The following TTK variants were observed in gnomAD, a reference collection of about 807,000 sequenced individuals.
TTK encodes the protein TTK protein kinase.
A neutral mutation model predicts 117.3 loss-of-function variants in TTK; 59 were observed. The observed-to-expected ratio is 0.50, with a 90% CI of 0.41 to 0.62. The LOEUF is 0.62. Ranked by LOEUF, TTK falls within the 20% of genes least tolerant of loss-of-function variation. The probability of loss-of-function intolerance (pLI) is 0.00; values close to 1 mark genes in which losing one functional copy is unlikely to be tolerated. For missense variants in TTK, 921 were observed against 989.4 expected (o/e 0.93, Z 0.93); for synonymous variants, 302 against 325.0 (o/e 0.93, Z 0.76).
Position 80,011,883 on chromosome 6 carries a change from T to C in TTK, c.802-3T>C. 6.2e-7 allele frequency: 1 copy of C among 1,612,352 alleles called. No homozygotes were observed. The highest frequency in any genetic ancestry group is 1.1e-5 in the South Asian group (1 of 90,938). ...GTTATTTAATCTTTCAAAATATTTT[T>C]AGTCATGCCCATTTGGAAGAGTCCC... is the stretch of plus-strand genomic sequence containing the variant. On this transcript the variant is annotated splice_region_variant and splice_polypyrimidine_tract_variant and intron_variant, in intron 7 of 21. Coordinates refer to ENST00000369798, the MANE Select transcript of TTK (RefSeq NM_003318.5).
intron 17 of TTK, 84 bp from the exon 18 acceptor site, chr6:80,037,865 TATAATAATAATAATAATA>T: frequency 2.4e-6 from 1 of 410,540 alleles, no homozygotes; most frequent in Non-Finnish European, 4.0e-6. Flanking sequence ...AAACTTAAAG[TATAATAATAATAATAATA>T]ATAATAATAA....
At chr6:80,036,006 A>T (rs545551656) in intron 16 of TTK, among the ~76,000 whole-genome samples, 6 of 152,184 alleles carry the variant, frequency 3.9e-5, no homozygotes, top group African/African-American at 1.4e-4. Context: ...TTCACCAGTG[A>T]TCAAGATCAG....
chr6:80,037,225 A>T (rs1016356255), intron 17 of TTK, among the ~76,000 whole-genome samples: 2 of 152,252 alleles, frequency 1.3e-5, no homozygotes, highest in Admixed American at 1.3e-4. Context: ...GTCCACCTTA[A>T]TCCCAGGAGT....
Position 80,009,254 on chromosome 6 carries a change from A to G in TTK, c.469+762A>G, listed in dbSNP as rs114736809. 1.7e-3 allele frequency among the ~76,000 whole-genome samples: 261 copies of G among 152,194 alleles called. 1 individual carries two copies. Among genetic ancestry groups the G allele is most frequent in the African/African-American group, 5.9e-3 (244 of 41,546 alleles). On this transcript the variant is annotated intron_variant, in intron 4 of 21. Coordinates refer to ENST00000369798, the MANE Select transcript of TTK (RefSeq NM_003318.5). The stretch of plus-strand genomic sequence containing the variant: ...TGATAAACATATTAACACTATTGGA[A>G]GAATCCCCATGATGGTTTCCATAGC...
At chr6:80,038,962 G>A (rs1767977400) in intron 18 of TTK, among the ~76,000 whole-genome samples, 1 of 151,986 alleles carries the variant, frequency 6.6e-6, no homozygotes, top group South Asian at 2.1e-4. Flanking sequence ...TAATGCCCAT[G>A]ACAATGTACT....
intron 1 of TTK, chr6:80,005,031 C>G (rs1301821270): frequency 6.6e-6 from 1 of 152,204 alleles, no homozygotes; most frequent in East Asian, 1.9e-4. Flanking sequence ...GGGGTTAGAA[C>G]TGGGAAAGAA....
intron 21 of TTK, among the ~76,000 whole-genome samples, chr6:80,041,878 A>G (rs1261746849): frequency 6.6e-6 from 1 of 151,694 alleles, no homozygotes; most frequent in African/African-American, 2.4e-5. Flanking sequence ...GTTTATTAGT[A>G]GCTCTGTTAT....
chr6:80,037,493 G>A lies in TTK; in HGVS notation c.2050-474G>A, dbSNP rs527372289. 322 of 152,596 alleles carry A rather than the reference G, an allele frequency of 2.1e-3. 4 individuals carry two copies. Among genetic ancestry groups the A allele is most frequent in the Middle Eastern group, 0.017 (5 of 296 alleles). The allele number at this position is 152,596 out of a possible 1,614,324, so 9.5% of individuals were successfully genotyped here. A position where few individuals can be genotyped will look rare whatever the true frequency, so the allele number is the denominator to read the frequency against. On this transcript the variant is annotated intron_variant, in intron 17 of 21. Transcript: ENST00000369798. ...TGAGACAAAGCTAGATGGTATTTTT[G>A]TTTGTATATTGGTGGGCTTATTTAA... is the stretch of plus-strand genomic sequence containing the variant.
At chr6:80,023,512 GA>G (rs200238078) in intron 11 of TTK, among the ~76,000 whole-genome samples, 10,894 of 152,164 alleles carry the variant, frequency 0.072, 458 homozygotes, top group South Asian at 0.12. Flanking sequence ...AGAATGGTGT[GA>G]ACCCAGGAGG....
chr6:80,008,258 A>G (rs1282796340), intron 3 of TTK, 128 bp from the exon 4 acceptor site: 2 of 1,040,162 alleles, frequency 1.9e-6, no homozygotes, highest in Non-Finnish European at 2.7e-6. Context: ...AAAATAACTT[A>G]TTAGTATTTA....
At chr6:80,038,114 A>T (rs907579490) in intron 18 of TTK, 67 bp downstream of exon 18, 4 of 1,127,140 alleles carry the variant, frequency 3.5e-6, no homozygotes, top group Non-Finnish European at 3.8e-6. Context: ...TTTCTGAATA[A>T]ACTTACCAGA....
At chr6:80,030,893 C>T (rs532973878) in intron 13 of TTK, among the ~76,000 whole-genome samples, 29 of 151,682 alleles carry the variant, frequency 1.9e-4, no homozygotes, top group Non-Finnish European at 2.9e-4. Context: ...AAGAAGAATA[C>T]AGATATAGCC....
intron 1 of TTK, chr6:80,004,914 G>A (rs906384931): frequency 6.6e-6 from 1 of 152,214 alleles, no homozygotes; most frequent in African/African-American, 2.4e-5. Context: ...TGATGCAGGA[G>A]GTTTTGTTGA....
chr6:80,007,931 A>G lies in TTK; in HGVS notation c.262A>G (p.Ile88Val). 3 of 1,613,656 alleles carry G rather than the reference A, an allele frequency of 1.9e-6. No individual in the cohort carries two copies. Among genetic ancestry groups the G allele is most frequent in the Non-Finnish European group, 2.5e-6 (3 of 1,179,676 alleles). ...PLSDALLNKL[I>V]GRYSQAIEAL... ...AAGTGATGCTCTTTTAAATAAATTG[A>G]TTGGTCGTTACAGTCAAGCAATTGA... Residue 88 changes from isoleucine to valine, a missense_variant, in exon 3 of 22, where the codon ATT becomes GTT. Ile to Val is a conservative substitution (Grantham distance 29). Coordinates refer to ENST00000369798, the MANE Select transcript of TTK (RefSeq NM_003318.5).
chr6:80,025,183 C>A (rs1219497665), intron 11 of TTK, among the ~76,000 whole-genome samples: 3 of 152,178 alleles, frequency 2.0e-5, no homozygotes, highest in African/African-American at 4.8e-5. Context: ...TGATCGTGAT[C>A]TTTTTCATTT....
rs1271086801 is a variant in TTK, at chr6:80,037,895, A to AATC, written c.2050-71_2050-69dup. On this transcript the variant is annotated intron_variant, in intron 17 of 21. Transcript: ENST00000369798. ...TAATAATAATAATAATAATAATAAT[A>AATC]ATCTCAAAAAAAAATCTAAAGCAGA... 5.2e-5 allele frequency: 36 copies of AATC among 695,664 alleles called. No individual in the cohort carries two copies. The African/African-American group carries it at 5.7e-4, about 11-fold the overall frequency. 43.1% of individuals were successfully genotyped at this position (695,664 alleles called of 1,614,324 possible).
At chr6:80,012,017 T>C (rs765584226) in intron 8 of TTK, 37 bp downstream of exon 8, 3 of 1,537,600 alleles carry the variant, frequency 2.0e-6, no homozygotes, top group South Asian at 2.4e-5. Flanking sequence ...TTGTTGTCCG[T>C]ATGGGAAGAT....
At chr6:80,027,421 A>G (rs1417475568) in intron 12 of TTK, among the ~76,000 whole-genome samples, 1 of 152,184 alleles carries the variant, frequency 6.6e-6, no homozygotes. Flanking sequence ...CTAGGTGTTG[A>G]GGATATATTA....
In TTK at chr6:80,018,887, G is replaced by GT. The variant is rs369281740; in HGVS notation, c.1109-3429dup. Among the ~76,000 whole-genome samples, 172 of 151,740 alleles carry GT rather than the reference G, an allele frequency of 1.1e-3. 1 individual carries two copies. Among genetic ancestry groups the GT allele is most frequent in the African/African-American group, 3.8e-3 (158 of 41,404 alleles). On this transcript the variant is annotated intron_variant, in intron 10 of 21. Transcript: ENST00000369798. Reference sequence around the variant, plus strand: ...TTTTATACTGAGGCTACTAATAATAGTTTTTTTTGTGTGACTGGGTGTTGA... The same window carrying GT: ...TTTTATACTGAGGCTACTAATAATAGTTTTTTTTTGTGTGACTGGGTGTTGA...
Sources: allele counts gnomAD v4.1 joint callset (sites outside exome capture counted in the v4.1 genomes callset), GRCh38; gene constraint gnomAD v4.1.1; transcripts MANE v1.5; gene names NCBI Gene and HGNC (gene_info 2026-07-23, HGNC 2026-07-21).